The following VGLL4 variants were observed in gnomAD, a reference collection of about 807,000 sequenced individuals.
The protein encoded by VGLL4 is transcription cofactor vestigial-like protein 4.
In VGLL4, 7 loss-of-function variants were observed where a neutral mutation model predicts 21.0. That is an observed-to-expected ratio of 0.33 (90% CI 0.19 to 0.63). The LOEUF is 0.63. Among genes scored for constraint, VGLL4 ranks in the 20% least tolerant of loss-of-function variants. The pLI, the probability that VGLL4 is intolerant of heterozygous loss-of-function variation, is 0.78. For synonymous variants in VGLL4, 222 were observed against 173.2 expected (o/e 1.28, Z -2.21); for missense variants, 394 against 425.7 (o/e 0.93, Z 0.66).
At chr3:11,702,740 A>G (rs1300695525) in intron 2 of VGLL4, 5 of 260,970 alleles carry the variant, frequency 1.9e-5, no homozygotes, top group Non-Finnish European at 3.6e-5. Flanking sequence ...TCAAAAAAAA[A>G]AAAACAAAAA....
intron 2 of VGLL4, among the ~76,000 whole-genome samples, chr3:11,600,672 C>T (rs1022274877): frequency 3.3e-5 from 5 of 152,166 alleles, no homozygotes; most frequent in East Asian, 3.9e-4. Flanking sequence ...CTGGAACGAG[C>T]GGAATGCGAG....
At chr3:11,642,174 C>T (rs572094252) in intron 1 of VGLL4, among the ~76,000 whole-genome samples, 2 of 151,988 alleles carry the variant, frequency 1.3e-5, no homozygotes, top group African/African-American at 4.8e-5. Flanking sequence ...ACATCAGATG[C>T]AAAGAAAGAA....
At chr3:11,591,941 A>T (rs1466360875) in intron 2 of VGLL4, among the ~76,000 whole-genome samples, 1 of 152,258 alleles carries the variant, frequency 6.6e-6, no homozygotes, top group Non-Finnish European at 1.5e-5. Context: ...CAGTTTCCAC[A>T]TTAGTAATTT....
chr3:11,576,243 T>C (rs1248557131), intron 2 of VGLL4, among the ~76,000 whole-genome samples: 1 of 152,194 alleles, frequency 6.6e-6, no homozygotes, highest in African/African-American at 2.4e-5. Context: ...CAGGAATCCA[T>C]GTGCATGCTA....
At chr3:11,710,371 G>T (rs950877311) in intron 1 of VGLL4, 2 of 152,184 alleles carry the variant, frequency 1.3e-5, no homozygotes, top group Non-Finnish European at 2.9e-5. Context: ...CACAATAAAA[G>T]CTACAGCACC....
At chr3:11,607,861 G>A (rs972119999) in intron 1 of VGLL4, among the ~76,000 whole-genome samples, 1 of 152,202 alleles carries the variant, frequency 6.6e-6, no homozygotes, top group Non-Finnish European at 1.5e-5. Flanking sequence ...AACACTTGAG[G>A]TGACTTAGGC....
intron 3 of VGLL4, among the ~76,000 whole-genome samples, chr3:11,563,356 T>TGAGCTTCCCAAAGCA (rs2073201084): frequency 6.6e-6 from 1 of 152,364 alleles, no homozygotes; most frequent in South Asian, 2.1e-4. Context: ...CAATGCCTGT[T>TGAGCTTCCCAAAGCA]GAGCTTCCCA....
chr3:11,632,716 C>A (rs2075508080), intron 1 of VGLL4, among the ~76,000 whole-genome samples: 1 of 152,216 alleles, frequency 6.6e-6, no homozygotes, highest in Non-Finnish European at 1.5e-5. Context: ...ATCAACCTGG[C>A]ATAAGACTCT....
chr3:11,569,556 A>C (rs992870417), intron 2 of VGLL4, among the ~76,000 whole-genome samples: 1 of 152,178 alleles, frequency 6.6e-6, no homozygotes, highest in Non-Finnish European at 1.5e-5. Context: ...AGGTGGAGAC[A>C]AGAGATTCAA....
chr3:11,573,248 A>AGC (rs552657674), intron 2 of VGLL4, among the ~76,000 whole-genome samples: 378 of 5,598 alleles, frequency 0.068, 21 homozygotes, highest in African/African-American at 0.11. Context: ...AGAAATAGAG[A>AGC]AAGAAAGAAA....
At chr3:11,716,926 C>A (rs2124834651) in intron 1 of VGLL4, among the ~76,000 whole-genome samples, 1 of 152,168 alleles carries the variant, frequency 6.6e-6, no homozygotes. Context: ...GAAAGAAGCA[C>A]AAATGAGCCT....
intron 2 of VGLL4, among the ~76,000 whole-genome samples, chr3:11,691,329 C>G (rs2076524219): frequency 1.3e-5 from 2 of 151,606 alleles, no homozygotes. Context: ...CATAAAAATC[C>G]AGGTTTCCAG....
At chr3:11,586,675 C>G (rs1431656712) in intron 2 of VGLL4, among the ~76,000 whole-genome samples, 6 of 152,140 alleles carry the variant, frequency 3.9e-5, no homozygotes, top group Non-Finnish European at 1.5e-5. Context: ...AAATATTATG[C>G]CATTTTACAC....
chr3:11,558,866 G>T (rs1476392242), intron 4 of VGLL4, 39 bp from the exon 5 acceptor site: 2 of 1,601,698 alleles, frequency 1.2e-6, no homozygotes, highest in Admixed American at 3.3e-5. Context: ...AGACACAGGT[G>T]GCTGCAGACA....
chr3:11,573,247 GAAAGAAAGAAAGAAAGAA>G (rs2073853116), intron 2 of VGLL4, among the ~76,000 whole-genome samples: 7 of 47,796 alleles, frequency 1.5e-4, no homozygotes, highest in Admixed American at 2.2e-4. Context: ...AAGAAATAGA[GAAAGAAAGAAAGAAAGAA>G]AGAAAGAAAG....
At chr3:11,559,514 TG>T in intron 3 of VGLL4, 59 bp from the exon 4 acceptor site, 1 of 1,483,014 alleles carries the variant, frequency 6.7e-7, no homozygotes, top group Admixed American at 2.3e-5. Flanking sequence ...GCACCACCCC[TG>T]GGGCCCTCCC....
At chr3:11,679,928 G>A (rs2076346948) in intron 2 of VGLL4, among the ~76,000 whole-genome samples, 1 of 152,124 alleles carries the variant, frequency 6.6e-6, no homozygotes, top group East Asian at 1.9e-4. Flanking sequence ...TAGGACACAC[G>A]ACTGTCCTTG....
At chr3:11,562,206 C>T (rs776726896) in intron 3 of VGLL4, among the ~76,000 whole-genome samples, 82 of 152,042 alleles carry the variant, frequency 5.4e-4, no homozygotes, top group Non-Finnish European at 1.0e-3. Flanking sequence ...CCTCAATGTG[C>T]GAAGCTTAAC....
intron 2 of VGLL4, among the ~76,000 whole-genome samples, chr3:11,669,534 ACTG>A (rs2076174223): frequency 6.6e-6 from 1 of 152,234 alleles, no homozygotes; most frequent in Admixed American, 6.5e-5. Flanking sequence ...GGGCAATGCA[ACTG>A]CTATTCTAAA....
Sources: allele counts gnomAD v4.1 joint callset (sites outside exome capture counted in the v4.1 genomes callset), GRCh38; gene constraint gnomAD v4.1.1; transcripts MANE v1.5; gene names NCBI Gene and HGNC (gene_info 2026-07-23, HGNC 2026-07-21).